Variants in RAPGEF2 observed in about 807,000 individuals in gnomAD.
RAPGEF2 encodes the protein PDZ domain containing guanine nucleotide exchange factor (GEF) 1.
A neutral mutation model predicts 186.7 loss-of-function variants in RAPGEF2; 54 were observed. That is an observed-to-expected ratio of 0.29 (90% confidence interval 0.23 to 0.36). The LOEUF (loss-of-function observed/expected upper bound fraction) is 0.36. RAPGEF2 is among the 10% of genes least tolerant of loss of function. The pLI, the probability that RAPGEF2 is intolerant of heterozygous loss-of-function variation, is 1.00. For synonymous variants in RAPGEF2, 712 were observed against 705.9 expected (o/e 1.01, Z -0.14); for missense variants, 1,532 against 2,045.0 (o/e 0.75, Z 4.84).
intron 1 of RAPGEF2, among the ~76,000 whole-genome samples, chr4:159,140,837 AT>A (rs901325959): frequency 5.4e-4 from 34 of 62,440 alleles, no homozygotes; most frequent in Middle Eastern, 7.4e-3. Flanking sequence ...AAAAAAAAAA[AT>A]TTTTTTTTTT....
chr4:159,274,992 T>TC (rs1445598061), intron 7 of RAPGEF2, among the ~76,000 whole-genome samples: 6 of 152,032 alleles, frequency 3.9e-5, no homozygotes, highest in African/African-American at 1.4e-4. Flanking sequence ...CTCTGCCATT[T>TC]CTTCTTCTTA....
intron 7 of RAPGEF2, among the ~76,000 whole-genome samples, chr4:159,252,502 G>C (rs1420517380): frequency 6.6e-6 from 1 of 152,166 alleles, no homozygotes; most frequent in Non-Finnish European, 1.5e-5. Context: ...GAGAATACTT[G>C]AGCATCGTTG....
intron 7 of RAPGEF2, among the ~76,000 whole-genome samples, chr4:159,250,521 T>A (rs1270393216): frequency 6.6e-6 from 1 of 152,126 alleles, no homozygotes; most frequent in Non-Finnish European, 1.5e-5. Context: ...GCTGTCTTGA[T>A]TTTTACTCAG....
intron 3 of RAPGEF2, among the ~76,000 whole-genome samples, chr4:159,201,392 C>T (rs1749392179): frequency 6.6e-6 from 1 of 152,164 alleles, no homozygotes; most frequent in African/African-American, 2.4e-5. Context: ...TCCTGTTCAG[C>T]CCAACAATAG....
intron 7 of RAPGEF2, among the ~76,000 whole-genome samples, chr4:159,245,004 A>T (rs1259747362): frequency 6.6e-6 from 1 of 152,048 alleles, no homozygotes; most frequent in East Asian, 1.9e-4. Context: ...AAATATATAT[A>T]ACATGATATT....
intron 17 of RAPGEF2, among the ~76,000 whole-genome samples, chr4:159,337,910 A>AAAAAAAAAAAAAG (rs1767681602): frequency 1.4e-5 from 2 of 143,106 alleles, no homozygotes; most frequent in African/African-American, 2.7e-5. Context: ...AAAAAAAAAA[A>AAAAAAAAAAAAAG]AAAGAAAGAA....
In RAPGEF2 at chr4:159,343,332, T is replaced by C; in HGVS notation, c.3182T>C (p.Ile1061Thr). ...GTCAATTTTGAGAAGCTAAGGATGA[T>C]TGCAAAAGAAATTCGTCACGTTGGC... ...GLVNFEKLRM[I>T]AKEIRHVGRM... The change falls in exon 22 of 30, where the codon ATT becomes ACT. Residue 1061 changes from isoleucine to threonine, a missense_variant. Physicochemically the swap from Ile to Thr is moderately conservative, Grantham distance 89. This residue lies in a region of RAPGEF2 where 117 missense variants were observed against 180.8 expected (regional missense o/e 0.65). Coordinates refer to ENST00000691494, the MANE Select transcript of RAPGEF2 (RefSeq NM_001394067.2). 6.2e-7 allele frequency: 1 copy of C among 1,614,130 alleles called. No individual in the cohort carries two copies.
At chr4:159,219,572 G>A (rs1460994822) in intron 4 of RAPGEF2, among the ~76,000 whole-genome samples, 1 of 151,966 alleles carries the variant, frequency 6.6e-6, no homozygotes, top group Non-Finnish European at 1.5e-5. Context: ...AGCCAGGATG[G>A]TCTTGATCGC....
chr4:159,252,840 T>C (rs748080564), intron 7 of RAPGEF2, among the ~76,000 whole-genome samples: 3 of 152,250 alleles, frequency 2.0e-5, no homozygotes, highest in South Asian at 4.1e-4. Flanking sequence ...TAATGAGCTT[T>C]TGTTTATTAT....
At chr4:159,231,912 C>CT (rs1317340443) in intron 4 of RAPGEF2, among the ~76,000 whole-genome samples, 1 of 152,196 alleles carries the variant, frequency 6.6e-6, no homozygotes, top group Non-Finnish European at 1.5e-5. Context: ...CACCCAATGT[C>CT]TATCACTTCA....
At chr4:159,250,228 C>T (rs182947842) in intron 7 of RAPGEF2, among the ~76,000 whole-genome samples, 2 of 152,054 alleles carry the variant, frequency 1.3e-5, no homozygotes, top group Admixed American at 1.3e-4. Flanking sequence ...GTGTACTGCT[C>T]GGGAGATGGG....
intron 7 of RAPGEF2, among the ~76,000 whole-genome samples, chr4:159,293,133 A>G (rs1054828780): frequency 2.0e-5 from 3 of 152,160 alleles, no homozygotes; most frequent in African/African-American, 7.2e-5. Context: ...ATACATGTCT[A>G]TATATGTATT....
rs35461332 is a variant in RAPGEF2 at position 159,275,054 on chromosome 4, CGTGTGTGTGTGT to C, written c.544-29257_544-29246del. Among the ~76,000 whole-genome samples, 938 of 143,982 alleles carry C rather than the reference CGTGTGTGTGTGT, an allele frequency of 6.5e-3. 9 individuals are homozygous for C. The highest frequency in any genetic ancestry group is 0.022 in the African/African-American group (853 of 39,020). 94.5% of individuals were successfully genotyped at this position (143,982 alleles called of 152,430 possible). A position where few individuals can be genotyped will look rare whatever the true frequency, so the allele number is the denominator to read the frequency against. ...TGTAGTTATGTTTTTCTCTGTCTCT[CGTGTGTGTGTGT>C]GTGTGTGTGTGTGTGTGTGTGTGTG... On this transcript the variant is annotated intron_variant, in intron 7 of 29. Coordinates refer to ENST00000691494, the MANE Select transcript of RAPGEF2 (RefSeq NM_001394067.2).
At chr4:159,163,045 T>C (rs1011579601) in intron 1 of RAPGEF2, among the ~76,000 whole-genome samples, 84 of 152,194 alleles carry the variant, frequency 5.5e-4, no homozygotes, top group Admixed American at 1.0e-3. Flanking sequence ...TGATGATGAC[T>C]GTGCACCACT....
chr4:159,233,617 C>T (rs529173248), intron 4 of RAPGEF2, among the ~76,000 whole-genome samples: 3 of 151,598 alleles, frequency 2.0e-5, no homozygotes, highest in South Asian at 4.2e-4. Context: ...TTTGGGGACT[C>T]GGGGGAAGTG....
At chr4:159,175,386 C>G (rs7679856) in intron 1 of RAPGEF2, among the ~76,000 whole-genome samples, 74,084 of 151,790 alleles carry the variant, frequency 0.49, 20,030 homozygotes, top group African/African-American at 0.74. Context: ...GGGTATGAGT[C>G]ACTCGGATGC....
At chr4:159,336,697 A>C (rs888470343) in intron 17 of RAPGEF2, among the ~76,000 whole-genome samples, 1 of 152,170 alleles carries the variant, frequency 6.6e-6, no homozygotes. Flanking sequence ...GTCTTTAAAA[A>C]ATGTTTTTGC....
At chr4:159,134,670 T>C (rs1741515512) in intron 1 of RAPGEF2, among the ~76,000 whole-genome samples, 1 of 152,242 alleles carries the variant, frequency 6.6e-6, no homozygotes. Flanking sequence ...AGTCATCTTA[T>C]GGGCATGTGA....
At chr4:159,284,057 A>G (rs1230446267) in intron 7 of RAPGEF2, among the ~76,000 whole-genome samples, 1 of 152,204 alleles carries the variant, frequency 6.6e-6, no homozygotes, top group African/African-American at 2.4e-5. Flanking sequence ...GTGAAATTGT[A>G]TTTTAATTTA....
Sources: allele counts gnomAD v4.1 joint callset (sites outside exome capture counted in the v4.1 genomes callset), GRCh38; gene constraint gnomAD v4.1.1; regional missense constraint gnomAD v4.1.1; transcripts MANE v1.5; gene names NCBI Gene and HGNC (gene_info 2026-07-23, HGNC 2026-07-21).